PBX3: variants seen among roughly 807,000 people sequenced by gnomAD.
PBX3 encodes the protein PBX homeobox 3.
A neutral mutation model predicts 48.5 loss-of-function variants in PBX3; 14 were observed. The observed-to-expected ratio is 0.29, with a 90% CI of 0.19 to 0.45. The LOEUF is 0.45. Among genes scored for constraint, PBX3 ranks in the 20% least tolerant of loss-of-function variants. The pLI, the probability that PBX3 is intolerant of heterozygous loss-of-function variation, is 1.00. For missense variants in PBX3, 386 were observed against 546.7 expected, an observed-to-expected ratio of 0.71 and a Z score of 2.93; for synonymous variants, 210 against 200.3, an observed-to-expected ratio of 1.05 and a Z score of -0.41.
chr9:125,808,407 G>T (rs1322972777), intron 2 of PBX3, among the ~76,000 whole-genome samples: 3 of 152,094 alleles, frequency 2.0e-5, no homozygotes, highest in Non-Finnish European at 4.4e-5. Context: ...TGAGTGCAGT[G>T]GCCCACCCCT....
intron 2 of PBX3, among the ~76,000 whole-genome samples, chr9:125,792,046 G>A (rs12237161): frequency 0.098 from 2,609 of 26,706 alleles, 137 homozygotes; most frequent in East Asian, 0.46. Flanking sequence ...ACACACACAC[G>A]CACGCACGCA....
At chr9:125,822,828 A>G (rs144102479) in intron 2 of PBX3, among the ~76,000 whole-genome samples, 1 of 152,202 alleles carries the variant, frequency 6.6e-6, no homozygotes, top group African/African-American at 2.4e-5. Flanking sequence ...ACCCCACATA[A>G]TACATTATGA....
At chr9:125,963,331 TAAGC>T (rs1204289021) in intron 8 of PBX3, among the ~76,000 whole-genome samples, 2 of 152,178 alleles carry the variant, frequency 1.3e-5, no homozygotes, top group Non-Finnish European at 2.9e-5. Context: ...AGCAGGGACT[TAAGC>T]ATCAGCCCAT....
chr9:125,815,736 C>G (rs1838441208), intron 2 of PBX3, among the ~76,000 whole-genome samples: 1 of 151,146 alleles, frequency 6.6e-6, no homozygotes, highest in Non-Finnish European at 1.5e-5. Context: ...TGAGGAGGGA[C>G]CAAATTTCTC....
intron 2 of PBX3, among the ~76,000 whole-genome samples, chr9:125,841,603 A>G (rs1320361587): frequency 6.6e-6 from 1 of 152,192 alleles, no homozygotes; most frequent in Non-Finnish European, 1.5e-5. Context: ...GAAGACAGGA[A>G]AAGAGTGAAG....
chr9:125,929,644 TC>T lies in PBX3; in HGVS notation c.517-8del. 1 of 1,582,668 alleles carries T rather than the reference TC, an allele frequency of 6.3e-7. No homozygotes were observed. Among genetic ancestry groups the T allele is most frequent in the Non-Finnish European group, 8.6e-7 (1 of 1,161,392 alleles). On this transcript the variant is annotated splice_polypyrimidine_tract_variant and intron_variant, in intron 3 of 8. Transcript: ENST00000373489. ...AGTTTCCAAAGGAGTGATTTTTTTT[TC>T]CCATTACAGGCATGTAATGAATTTA...
chr9:125,952,115 C>G (rs1221120289), intron 5 of PBX3, among the ~76,000 whole-genome samples: 1 of 152,166 alleles, frequency 6.6e-6, no homozygotes. Flanking sequence ...CATGACTTAG[C>G]ATTTCAACAT....
chr9:125,793,213 G>A (rs1464114167), intron 2 of PBX3, among the ~76,000 whole-genome samples: 7 of 150,384 alleles, frequency 4.7e-5, no homozygotes, highest in African/African-American at 1.5e-4. Flanking sequence ...TTAGCCAGGC[G>A]TGGTGGTGGG....
chr9:125,890,190 G>C (rs1424277244), intron 2 of PBX3, among the ~76,000 whole-genome samples: 1 of 152,132 alleles, frequency 6.6e-6, no homozygotes, highest in African/African-American at 2.4e-5. Context: ...TCTCAGAGGA[G>C]GACTGCATAA....
At chr9:125,887,222 A>C (rs1340753142) in intron 2 of PBX3, among the ~76,000 whole-genome samples, 1 of 152,192 alleles carries the variant, frequency 6.6e-6, no homozygotes, top group Non-Finnish European at 1.5e-5. Context: ...CAATTCTTAT[A>C]AACAGTTCTG....
chr9:125,840,170 T>C (rs2132226553), intron 2 of PBX3, among the ~76,000 whole-genome samples: 1 of 152,266 alleles, frequency 6.6e-6, no homozygotes, highest in Admixed American at 6.5e-5. Context: ...TATGGTGATA[T>C]TTAAACTGTT....
chr9:125,908,452 T>C (rs1841126861), intron 2 of PBX3, among the ~76,000 whole-genome samples: 1 of 152,024 alleles, frequency 6.6e-6, no homozygotes, highest in Admixed American at 6.6e-5. Context: ...GATTGCATGG[T>C]TTGTGTAAAC....
intron 2 of PBX3, among the ~76,000 whole-genome samples, chr9:125,894,738 A>G (rs1840729564): frequency 1.3e-5 from 2 of 152,158 alleles, no homozygotes. Context: ...ATGTATGAGC[A>G]GTCATAATGC....
intron 2 of PBX3, among the ~76,000 whole-genome samples, chr9:125,853,189 A>G (rs931139716): frequency 6.6e-6 from 1 of 152,186 alleles, no homozygotes; most frequent in African/African-American, 2.4e-5. Flanking sequence ...TCCTTACCTG[A>G]ATTAAGAATT....
chr9:125,776,092 T>C (rs1392630897), intron 2 of PBX3, among the ~76,000 whole-genome samples: 1 of 152,236 alleles, frequency 6.6e-6, no homozygotes, highest in Non-Finnish European at 1.5e-5. Context: ...TTTCTTCTTC[T>C]TTCCTCAATG....
intron 2 of PBX3, among the ~76,000 whole-genome samples, chr9:125,789,064 T>G (rs1374456334): frequency 1.3e-5 from 2 of 152,206 alleles, no homozygotes; most frequent in Non-Finnish European, 2.9e-5. Flanking sequence ...CACTCAACAC[T>G]TATTTTAAGA....
intron 5 of PBX3, among the ~76,000 whole-genome samples, chr9:125,957,100 T>C (rs551106355): frequency 4.2e-4 from 64 of 152,388 alleles, no homozygotes; most frequent in African/African-American, 1.5e-3. Flanking sequence ...TCTTAATAGC[T>C]GATTGCTGCA....
intron 2 of PBX3, among the ~76,000 whole-genome samples, chr9:125,900,082 A>G (rs1213607965): frequency 6.6e-6 from 1 of 151,672 alleles, no homozygotes; most frequent in African/African-American, 2.4e-5. Context: ...ACTTAACTTT[A>G]ATAGTAATAT....
chr9:125,754,470 AT>A (rs1836457151), intron 2 of PBX3, among the ~76,000 whole-genome samples: 1 of 152,118 alleles, frequency 6.6e-6, no homozygotes, highest in Admixed American at 6.5e-5. Context: ...TTACAAAGTT[AT>A]TGAAGTTAAT....
Sources: gnomAD v4.1 joint callset for allele counts (sites outside exome capture counted in the v4.1 genomes callset) on GRCh38, gnomAD v4.1.1 for gene constraint, MANE v1.5 for transcripts, NCBI Gene and HGNC (gene_info 2026-07-23, HGNC 2026-07-21) for gene names.